LIMK1: variants seen among roughly 807,000 people sequenced by gnomAD.
The protein encoded by LIMK1 is LIM motif-containing protein kinase.
In LIMK1, 21 loss-of-function variants were observed where a neutral mutation model predicts 77.6. The ratio of observed to expected loss-of-function variants is 0.27; its 90% CI spans 0.19 to 0.39. LIMK1 has a LOEUF of 0.39. Among genes scored for constraint, LIMK1 ranks in the 10% least tolerant of loss-of-function variants. LIMK1 has a pLI of 1.00. For synonymous variants in LIMK1, 358 were observed against 370.0 expected (o/e 0.97, Z 0.37); for missense variants, 696 against 901.6 (o/e 0.77, Z 2.92).
intron 13 of LIMK1, among the ~76,000 whole-genome samples, chr7:74,117,966 G>A (rs1430568285): frequency 6.6e-6 from 1 of 151,626 alleles, no homozygotes; most frequent in Non-Finnish European, 1.5e-5. Flanking sequence ...AAATTACCCG[G>A]GTGTGGTGGC....
rs372711062 is a variant in LIMK1 at position 74,107,973 on chromosome 7, G to A, written c.1152+16G>A. On this transcript the variant is annotated intron_variant, in intron 9 of 15. Transcript: ENST00000336180. ...CCTCAAGGAGGTCAGTGAGCGGAAT[G>A]CCCTCTTCCCTCCAGAGGGACTTCC... 3.9e-6 allele frequency: 6 copies of A among 1,545,272 alleles called. No homozygotes were observed. The highest frequency in any genetic ancestry group is 5.3e-6 in the Non-Finnish European group (6 of 1,140,122).
intron 5 of LIMK1, among the ~76,000 whole-genome samples, chr7:74,100,838 C>T (rs1799444691): frequency 6.6e-6 from 1 of 151,894 alleles, no homozygotes; most frequent in Non-Finnish European, 1.5e-5. Context: ...TGGGTTCACG[C>T]CATTCTCCTG....
At position 74,099,185 on chromosome 7, in the gene LIMK1, G is replaced by T; in HGVS notation, c.555G>T (p.Pro185=). 1.2e-6 allele frequency: 2 copies of T among 1,611,572 alleles called. No individual in the cohort carries two copies. Among genetic ancestry groups the T allele is most frequent in the Non-Finnish European group, 1.7e-6 (2 of 1,180,004 alleles). Residue 185 remains proline (P), a synonymous_variant, in exon 5 of 16, where the codon CCG becomes CCT. Transcript: ENST00000336180. ...KRGLSVSIDP[P]HGPPGCGTEH... ...GACTTTCAGTCTCCATTGACCCCCC[G>T]CACGGCCCACCGGGCTGTGGCACCG...
In LIMK1 at chr7:74,120,573, CTT is replaced by C; in HGVS notation, c.1568-8_1568-7del. ...GTGTTCATCTGCTGACAGTCGGTCT[CTT>C]TATCCAGGCCGCAGCTATGATGAGA... On this transcript the variant is annotated splice_region_variant and splice_polypyrimidine_tract_variant and intron_variant, in intron 13 of 15. Transcript: ENST00000336180. 2 of 1,614,220 alleles carry C rather than the reference CTT, an allele frequency of 1.2e-6. No homozygotes were observed. Among genetic ancestry groups the C allele is most frequent in the Non-Finnish European group, 1.7e-6 (2 of 1,180,018 alleles).
chr7:74,091,932 G>A (rs1799244507), intron 2 of LIMK1, among the ~76,000 whole-genome samples: 1 of 151,060 alleles, frequency 6.6e-6, no homozygotes, highest in Non-Finnish European at 1.5e-5. Context: ...GGGCCCCGTG[G>A]AAGGTGCCGT....
intron 4 of LIMK1, among the ~76,000 whole-genome samples, chr7:74,097,642 C>T (rs1799362880): frequency 1.3e-5 from 2 of 152,216 alleles, no homozygotes; most frequent in African/African-American, 4.8e-5. Context: ...CACCACTGCC[C>T]TCCAGCCTAG....
chr7:74,112,450 G>C (rs1799719377), intron 12 of LIMK1, among the ~76,000 whole-genome samples: 1 of 152,108 alleles, frequency 6.6e-6, no homozygotes, highest in South Asian at 2.1e-4. Flanking sequence ...GCCAGACACA[G>C]TGGCTCACAC....
At chr7:74,084,631 C>A (rs1799097390) in intron 1 of LIMK1, among the ~76,000 whole-genome samples, 1 of 152,194 alleles carries the variant, frequency 6.6e-6, no homozygotes, top group African/African-American at 2.4e-5. Flanking sequence ...CATCCACTCT[C>A]CCTGTCCGTG....
intron 13 of LIMK1, among the ~76,000 whole-genome samples, chr7:74,119,173 G>A (rs2356528): frequency 0.12 from 18,262 of 150,408 alleles, 1,137 homozygotes; most frequent in South Asian, 0.23. Context: ...GTGAGCCACC[G>A]TGCCCGGCCA....
chr7:74,118,035 T>C (rs1295590783), intron 13 of LIMK1, among the ~76,000 whole-genome samples: 6 of 147,416 alleles, frequency 4.1e-5, no homozygotes, highest in African/African-American at 1.0e-4. Context: ...AGAGGTTACA[T>C]TGGGCCAAGA....
At chr7:74,112,141 C>G in intron 12 of LIMK1, 143 bp downstream of exon 12, 1 of 683,812 alleles carries the variant, frequency 1.5e-6, no homozygotes, top group East Asian at 2.7e-5. Context: ...GGGGCAGCAG[C>G]CCGTGGGGAA....
intron 2 of LIMK1, chr7:74,093,008 C>T (rs1019224728): frequency 1.2e-5 from 9 of 779,170 alleles, no homozygotes; most frequent in Admixed American, 6.5e-5. Context: ...AAGCCTAGAT[C>T]GCTCGCTCCC....
At chr7:74,108,106 C>G (rs1270911825) in intron 9 of LIMK1, 149 bp downstream of exon 9, 3 of 645,656 alleles carry the variant, frequency 4.6e-6, no homozygotes, top group Non-Finnish European at 5.6e-6. Flanking sequence ...AATCCCAACA[C>G]TTTGGGAGGT....
chr7:74,115,013 C>A (rs1181828397), intron 12 of LIMK1, among the ~76,000 whole-genome samples: 1 of 151,976 alleles, frequency 6.6e-6, no homozygotes, highest in African/African-American at 2.4e-5. Flanking sequence ...CACTTGAGGC[C>A]AGAAGTTGAA....
At position 74,096,712 on chromosome 7, in the gene LIMK1, C is replaced by CTACT; in HGVS notation, c.243_244insTACT (p.Glu82TyrfsTer2). 1 of 1,613,520 alleles carries CTACT rather than the reference C, an allele frequency of 6.2e-7. No homozygotes were observed. ...AGAAGGACTACTGGGCCCGCTATGG[C>CTACT]GAGTCCTGCCATGGGTGCTCTGAGC... On this transcript the variant is annotated frameshift_variant, in exon 3 of 16. Transcript: ENST00000336180. LOFTEE classifies it high-confidence loss of function.
intron 13 of LIMK1, among the ~76,000 whole-genome samples, chr7:74,118,269 C>T (rs909919060): frequency 4.0e-5 from 6 of 149,418 alleles, no homozygotes; most frequent in African/African-American, 5.0e-5. Context: ...CCCAGCTACC[C>T]GGGAGGCTGA....
At position 74,121,488 on chromosome 7, in the gene LIMK1, C is replaced by T. The variant is rs1584137663; in HGVS notation, c.*187C>T. 8.9e-6 allele frequency: 5 copies of T among 560,722 alleles called. No individual in the cohort carries two copies. The highest frequency in any genetic ancestry group is 6.8e-5 in the Admixed American group (2 of 29,252). 34.7% of individuals were successfully genotyped at this position (560,722 alleles called of 1,614,324 possible). On this transcript the variant is annotated 3_prime_UTR_variant, in exon 16 of 16. Coordinates refer to ENST00000336180, the MANE Select transcript of LIMK1 (RefSeq NM_002314.4). ...CCTTCTCTCTGCCGTGGCCCAGAGCCGGCCCAGCTGCACACACACACCATG... is the reference window on the plus strand; with the variant it reads ...CCTTCTCTCTGCCGTGGCCCAGAGCTGGCCCAGCTGCACACACACACCATG...
At chr7:74,099,537 C>T (rs545064478) in intron 5 of LIMK1, among the ~76,000 whole-genome samples, 1 of 152,028 alleles carries the variant, frequency 6.6e-6, no homozygotes, top group Non-Finnish European at 1.5e-5. Flanking sequence ...TCGAGACCAG[C>T]CTGGGCAATG....
At chr7:74,111,188 C>G (rs1799690774) in intron 10 of LIMK1, 1 of 164,554 alleles carries the variant, frequency 6.1e-6, no homozygotes, top group Non-Finnish European at 1.3e-5. Context: ...CCTGTAATCC[C>G]AACACTGGGA....
Sources: allele counts gnomAD v4.1 joint callset (sites outside exome capture counted in the v4.1 genomes callset), GRCh38; gene constraint gnomAD v4.1.1; transcripts MANE v1.5; gene names NCBI Gene and HGNC (gene_info 2026-07-23, HGNC 2026-07-21).